The following C3orf20 variants were observed in gnomAD, a reference collection of about 807,000 sequenced individuals.
The protein encoded by C3orf20 is family with sequence similarity 149 member C, also known as uncharacterized protein C3orf20.
A neutral mutation model predicts 88.3 loss-of-function variants in C3orf20; 76 were observed. That is an observed-to-expected ratio of 0.86 (90% CI 0.72 to 1.04). C3orf20 has a LOEUF of 1.04. Ranked by LOEUF, C3orf20 falls within the 50% of genes least tolerant of loss-of-function variation. The pLI is 0.00. For synonymous variants in C3orf20, 436 were observed against 437.4 expected (o/e 1.00, Z 0.04); for missense variants, 1,056 against 1,123.3 (o/e 0.94, Z 0.86).
chr3:14,677,489 C>CT (rs369139448), intron 1 of C3orf20, among the ~76,000 whole-genome samples: 3 of 151,758 alleles, frequency 2.0e-5, no homozygotes, highest in African/African-American at 2.4e-5. Flanking sequence ...ACTGGACATC[C>CT]TTTTTTTTGT....
chr3:14,751,007 C>A (rs137950367), intron 12 of C3orf20, among the ~76,000 whole-genome samples: 1 of 152,142 alleles, frequency 6.6e-6, no homozygotes, highest in Non-Finnish European at 1.5e-5. Flanking sequence ...TCTTTCTACT[C>A]CTCAAACTAA....
rs1296209433 is a variant in C3orf20 at position 14,684,533 on chromosome 3, A to G, written c.625+151A>G. 5.4e-6 allele frequency: 6 copies of G among 1,112,080 alleles called. No individual in the cohort carries two copies. The Admixed American group carries it at 8.0e-5, about 15-fold the overall frequency. The allele number at this position is 1,112,080 out of a possible 1,614,324, so 68.9% of individuals were successfully genotyped here. A position where few individuals can be genotyped will look rare whatever the true frequency, so the allele number is the denominator to read the frequency against. On this transcript the variant is annotated intron_variant, in intron 4 of 16. Transcript: ENST00000253697. The stretch of plus-strand genomic sequence containing the variant: ...CAGGGATTTTCAAATGCTACAGGTG[A>G]GTGGATGAATTGGTGCAATTCCTGT...
At chr3:14,716,360 G>T (rs2033941382) in intron 9 of C3orf20, among the ~76,000 whole-genome samples, 1 of 152,182 alleles carries the variant, frequency 6.6e-6, no homozygotes, top group Non-Finnish European at 1.5e-5. Flanking sequence ...ACAGAACATA[G>T]CATCCACTCA....
At chr3:14,683,900 C>T (rs1039939509) in intron 3 of C3orf20, among the ~76,000 whole-genome samples, 12 of 149,754 alleles carry the variant, frequency 8.0e-5, no homozygotes, top group Non-Finnish European at 1.6e-4. Flanking sequence ...AAAAAAGAAC[C>T]GGGGTCCTTC....
intron 10 of C3orf20, chr3:14,722,359 C>A: frequency 2.4e-6 from 1 of 417,216 alleles, no homozygotes; most frequent in Non-Finnish European, 4.8e-6. Context: ...GTATGTATTG[C>A]TCCCATTGAC....
At chr3:14,758,163 A>C (rs2035441093) in intron 13 of C3orf20, among the ~76,000 whole-genome samples, 1 of 152,192 alleles carries the variant, frequency 6.6e-6, no homozygotes, top group South Asian at 2.1e-4. Flanking sequence ...CAACTCCAGC[A>C]CTGCCAGTGA....
intron 12 of C3orf20, among the ~76,000 whole-genome samples, chr3:14,742,892 G>A (rs1233984191): frequency 6.6e-6 from 1 of 152,072 alleles, no homozygotes; most frequent in Non-Finnish European, 1.5e-5. Context: ...GCATGGGAAA[G>A]ACCAGCCCAC....
At chr3:14,752,019 G>A (rs1267016621) in intron 12 of C3orf20, among the ~76,000 whole-genome samples, 1 of 152,124 alleles carries the variant, frequency 6.6e-6, no homozygotes, top group African/African-American at 2.4e-5. Flanking sequence ...AGCCCACATA[G>A]CCAAGACAAT....
chr3:14,685,486 G>C (rs1053172474), intron 4 of C3orf20, among the ~76,000 whole-genome samples: 91 of 44,130 alleles, frequency 2.1e-3, no homozygotes, highest in African/African-American at 1.0e-2. Flanking sequence ...CTCTCTGTGC[G>C]TGCGTGCGTG....
rs545378866 is a variant in C3orf20, at chr3:14,689,829, C to T, written c.626-168C>T. Among the ~76,000 whole-genome samples the T allele has an allele frequency of 2.4e-3, 358 of 152,224 alleles. 1 individual carries two copies. The highest frequency in any genetic ancestry group is 8.2e-3 in the African/African-American group (339 of 41,534). On this transcript the variant is annotated intron_variant, in intron 4 of 16. Transcript: ENST00000253697. Reference sequence around the variant, plus strand: ...TAAAGATTTCCTCTAATTGCTCTGCCGGTGCATTGCAAAATCTTCTTCCAA... The same window carrying T: ...TAAAGATTTCCTCTAATTGCTCTGCTGGTGCATTGCAAAATCTTCTTCCAA...
chr3:14,697,343 T>C (rs1050002284), intron 5 of C3orf20, among the ~76,000 whole-genome samples: 1 of 152,144 alleles, frequency 6.6e-6, no homozygotes, highest in Non-Finnish European at 1.5e-5. Context: ...TTTCTAGATC[T>C]TGTAGCCATG....
At chr3:14,759,340 C>A (rs2035486640) in intron 13 of C3orf20, among the ~76,000 whole-genome samples, 1 of 152,044 alleles carries the variant, frequency 6.6e-6, no homozygotes, top group Non-Finnish European at 1.5e-5. Context: ...TCTGAGGCAT[C>A]CAGAAAGAAG....
chr3:14,725,244 A>G lies in C3orf20; in HGVS notation c.1567-1657A>G, dbSNP rs75675901. Among the ~76,000 whole-genome samples, 289 of 152,300 alleles carry G rather than the reference A, an allele frequency of 1.9e-3. 11 individuals carry two copies. The East Asian group carries it at 0.051, about 27-fold the overall frequency. On this transcript the variant is annotated intron_variant, in intron 10 of 16. Transcript: ENST00000253697. ...ATCCTGAGGCTTAGAAAATTAGCTC[A>G]TCTTGCATTCTTGGACCGTGAGAGC...
intron 5 of C3orf20, among the ~76,000 whole-genome samples, chr3:14,698,596 G>T (rs558506050): frequency 6.6e-6 from 1 of 152,304 alleles, no homozygotes; most frequent in South Asian, 2.1e-4. Context: ...AGAGACTCTT[G>T]TTCTCTTCCC....
chr3:14,677,526 G>GT (rs1234727207), intron 1 of C3orf20, among the ~76,000 whole-genome samples: 1 of 151,920 alleles, frequency 6.6e-6, no homozygotes. Flanking sequence ...TTAGACGGGA[G>GT]TTTCGTTCCT....
intron 12 of C3orf20, among the ~76,000 whole-genome samples, chr3:14,736,928 G>A (rs1033184289): frequency 2.0e-4 from 31 of 152,108 alleles, no homozygotes; most frequent in Non-Finnish European, 2.9e-4. Context: ...CTTTGTTTTA[G>A]CACTTTGAAG....
chr3:14,759,318 T>A (rs988319300), intron 13 of C3orf20, among the ~76,000 whole-genome samples: 1 of 152,138 alleles, frequency 6.6e-6, no homozygotes, highest in Non-Finnish European at 1.5e-5. Flanking sequence ...GCACATTGGC[T>A]GTATTAATAG....
rs962763180 is a variant in C3orf20 at position 14,764,507 on chromosome 3, A to ATTG, written c.2495+2919_2495+2921dup. Among the ~76,000 whole-genome samples, 1,071 of 132,820 alleles carry ATTG rather than the reference A, an allele frequency of 8.1e-3. 17 individuals are homozygous for ATTG. Among genetic ancestry groups the ATTG allele is most frequent in the African/African-American group, 0.02 (665 of 32,784 alleles). 87.1% of individuals were successfully genotyped at this position (132,820 alleles called of 152,430 possible). ...TATTATTATTATTATTATTATTATT[A>ATTG]TTGTTGTTGTTGTTGTTGTTGTTGT... On this transcript the variant is annotated intron_variant, in intron 15 of 16. Coordinates refer to ENST00000253697, the MANE Select transcript of C3orf20 (RefSeq NM_032137.5).
intron 4 of C3orf20, among the ~76,000 whole-genome samples, chr3:14,686,193 C>CGTGTGT (rs58844982): frequency 9.4e-5 from 14 of 149,596 alleles, no homozygotes; most frequent in African/African-American, 2.5e-4. Context: ...GAATCATATT[C>CGTGTGT]GTGTGTGTGT....
Sources: allele counts gnomAD v4.1 joint callset (sites outside exome capture counted in the v4.1 genomes callset), GRCh38; gene constraint gnomAD v4.1.1; transcripts MANE v1.5; gene names NCBI Gene and HGNC (gene_info 2026-07-23, HGNC 2026-07-21).